Variants in TXNDC16 observed in about 807,000 individuals in gnomAD.
TXNDC16 encodes thioredoxin domain-containing protein 16.
In TXNDC16, 74 loss-of-function variants were observed where a neutral mutation model predicts 85.6. That is an observed-to-expected ratio of 0.86 (90% CI 0.72 to 1.05). The LOEUF is 1.05. Among genes scored for constraint, TXNDC16 ranks in the 50% least tolerant of loss-of-function variants. The pLI is 0.00. For synonymous variants in TXNDC16, 335 were observed against 326.5 expected, an observed-to-expected ratio of 1.03 and a Z score of -0.28; for missense variants, 959 against 947.0, an observed-to-expected ratio of 1.01 and a Z score of -0.17.
At chr14:52,482,324 T>C (rs770337002) in intron 13 of TXNDC16, 35 bp from the exon 14 acceptor site, 5 of 1,544,352 alleles carry the variant, frequency 3.2e-6, no homozygotes, top group Non-Finnish European at 4.5e-6. Flanking sequence ...AGATATTACA[T>C]GTATATCTAC....
At position 52,506,527 on chromosome 14, in the gene TXNDC16, C is replaced by CTTTTTT. The variant is rs765293725; in HGVS notation, c.756+4707_756+4712dup. 3.5e-3 allele frequency among the ~76,000 whole-genome samples: 343 copies of CTTTTTT among 97,578 alleles called. 1 individual carries two copies. The highest frequency in any genetic ancestry group is 7.6e-3 in the African/African-American group (173 of 22,838). 64.0% of individuals were successfully genotyped at this position (97,578 alleles called of 152,430 possible). A position where few individuals can be genotyped will look rare whatever the true frequency, so the allele number is the denominator to read the frequency against. On this transcript the variant is annotated intron_variant, in intron 9 of 20. Transcript: ENST00000281741. ...AGGCCTTTGACAAATTTCAACAACC[C>CTTTTTT]TTTTTTTTTTTTTTTTTTTTTTTTC...
At chr14:52,544,795 T>C (rs2037907709) in intron 1 of TXNDC16, among the ~76,000 whole-genome samples, 1 of 152,012 alleles carries the variant, frequency 6.6e-6, no homozygotes, top group Admixed American at 6.5e-5. Context: ...AAATTTGCCA[T>C]CAATTTTTAA....
chr14:52,520,379 T>G lies in TXNDC16; in HGVS notation c.393-1086A>C, dbSNP rs147542049. Among the ~76,000 whole-genome samples the G allele has an allele frequency of 1.5e-3, 228 of 152,284 alleles. 1 individual carries two copies. The highest frequency in any genetic ancestry group is 5.3e-3 in the African/African-American group (219 of 41,554). On this transcript the variant is annotated intron_variant, in intron 6 of 20. Transcript: ENST00000281741. The stretch of plus-strand genomic sequence containing the variant: ...TGGCTCAAGCCTGTAATCCCAGCAC[T>G]TTGGGAGGCCGAGGCGGGCGGATCA...
At chr14:52,437,805 CT>C (rs1414692541) in intron 20 of TXNDC16, among the ~76,000 whole-genome samples, 7 of 152,102 alleles carry the variant, frequency 4.6e-5, no homozygotes, top group African/African-American at 1.7e-4. Context: ...GAAAATAGGT[CT>C]ATGAAAACAG....
rs184761415 is a variant in TXNDC16, at chr14:52,521,124, T to C, written c.393-1831A>G. Among the ~76,000 whole-genome samples the C allele has an allele frequency of 6.0e-3, 919 of 152,210 alleles. 8 individuals carry two copies. Among genetic ancestry groups the C allele is most frequent in the Non-Finnish European group, 9.3e-3 (631 of 68,020 alleles). ...AGTGAGAAGAATGGTGTTTTACTTT[T>C]TTTTTTGAGACGAAGTCTTGCTCTG... On this transcript the variant is annotated intron_variant, in intron 6 of 20. Transcript: ENST00000281741.
intron 9 of TXNDC16, among the ~76,000 whole-genome samples, chr14:52,495,131 A>G (rs1217708261): frequency 2.0e-5 from 3 of 152,230 alleles, no homozygotes; most frequent in African/African-American, 7.2e-5. Flanking sequence ...TAAAATGATA[A>G]GAATCATTTC....
intron 1 of TXNDC16, among the ~76,000 whole-genome samples, chr14:52,547,675 TAC>T (rs1244919647): frequency 6.6e-6 from 1 of 152,134 alleles, no homozygotes; most frequent in Non-Finnish European, 1.5e-5. Flanking sequence ...CAGGAATACT[TAC>T]AGTTATCTCT....
intron 12 of TXNDC16, among the ~76,000 whole-genome samples, chr14:52,486,228 A>T (rs955868568): frequency 1.3e-5 from 2 of 148,710 alleles, no homozygotes; most frequent in Admixed American, 6.7e-5. Flanking sequence ...CCTCAGCTCT[A>T]CCTTCAACCT....
chr14:52,438,585 T>C (rs530408636), intron 20 of TXNDC16, among the ~76,000 whole-genome samples: 70 of 152,350 alleles, frequency 4.6e-4, no homozygotes, highest in Non-Finnish European at 7.3e-4. Context: ...AGTGTAAACA[T>C]AACTTTTATA....
chr14:52,454,735 G>C (rs567088249), intron 18 of TXNDC16, among the ~76,000 whole-genome samples: 33 of 150,548 alleles, frequency 2.2e-4, no homozygotes, highest in Non-Finnish European at 3.8e-4. Context: ...AGAATTGCTT[G>C]AACCCGGGAG....
At chr14:52,549,548 C>G (rs1308040002) in intron 1 of TXNDC16, among the ~76,000 whole-genome samples, 1 of 151,942 alleles carries the variant, frequency 6.6e-6, no homozygotes, top group Non-Finnish European at 1.5e-5. Flanking sequence ...GCAGGTAGAA[C>G]AGCTGGTAGC....
chr14:52,434,550 A>G (rs2034983181), intron 20 of TXNDC16, among the ~76,000 whole-genome samples: 1 of 152,232 alleles, frequency 6.6e-6, no homozygotes, highest in Admixed American at 6.5e-5. Flanking sequence ...GAACTGGGCC[A>G]AAGTTAAGTG....
At chr14:52,498,387 T>C (rs1163336911) in intron 9 of TXNDC16, among the ~76,000 whole-genome samples, 1 of 149,506 alleles carries the variant, frequency 6.7e-6, no homozygotes, top group East Asian at 2.0e-4. Context: ...GGATCTTATA[T>C]GTGCAAAACC....
intron 12 of TXNDC16, among the ~76,000 whole-genome samples, chr14:52,485,314 A>G (rs1400205535): frequency 6.6e-6 from 1 of 152,218 alleles, no homozygotes; most frequent in Non-Finnish European, 1.5e-5. Context: ...ATATTTTTGT[A>G]CAGCTGTATG....
intron 9 of TXNDC16, among the ~76,000 whole-genome samples, chr14:52,491,661 C>T (rs1417071724): frequency 6.6e-6 from 1 of 151,990 alleles, no homozygotes; most frequent in Non-Finnish European, 1.5e-5. Context: ...AACTAAGGAA[C>T]AAACTTTTTC....
chr14:52,431,642 A>G lies in TXNDC16; in HGVS notation c.*662T>C, dbSNP rs376121226. 1 of 152,222 alleles carries G rather than the reference A, an allele frequency of 6.6e-6. No homozygotes were observed. Among genetic ancestry groups the G allele is most frequent in the African/African-American group, 2.4e-5 (1 of 41,446 alleles). 9.4% of individuals were successfully genotyped at this position (152,222 alleles called of 1,614,324 possible). A position where few individuals can be genotyped will look rare whatever the true frequency, so the allele number is the denominator to read the frequency against. ...ATTCTTTGTTGTGGGGCGCTGTCCAATGCAGGTTATTTAGCAGGATCCCTG... is the reference window on the plus strand; with the variant it reads ...ATTCTTTGTTGTGGGGCGCTGTCCAGTGCAGGTTATTTAGCAGGATCCCTG... On this transcript the variant is annotated 3_prime_UTR_variant, in exon 21 of 21. Transcript: ENST00000281741.
In TXNDC16 at chr14:52,491,015, A is replaced by G. The variant is rs1459294307; in HGVS notation, c.757-10T>C. On this transcript the variant is annotated splice_polypyrimidine_tract_variant and intron_variant, in intron 9 of 20. Coordinates refer to ENST00000281741, the MANE Select transcript of TXNDC16 (RefSeq NM_020784.3). ...CTTCAGCAACTTCAGTCTTCATTGAAAAAAAAAAAAAAAAAAGGTGTGATA... is the reference window on the plus strand; with the variant it reads ...CTTCAGCAACTTCAGTCTTCATTGAGAAAAAAAAAAAAAAAAGGTGTGATA... 2 of 703,690 alleles carry G rather than the reference A, an allele frequency of 2.8e-6. No individual in the cohort carries two copies. Among genetic ancestry groups the G allele is most frequent in the Non-Finnish European group, 3.8e-6 (2 of 521,538 alleles). 43.6% of individuals were successfully genotyped at this position (703,690 alleles called of 1,614,324 possible). A position where few individuals can be genotyped will look rare whatever the true frequency, so the allele number is the denominator to read the frequency against.
intron 14 of TXNDC16, among the ~76,000 whole-genome samples, chr14:52,472,064 GTTT>G (rs997742419): frequency 6.6e-6 from 1 of 151,094 alleles, no homozygotes; most frequent in Non-Finnish European, 1.5e-5. Context: ...ATCACCAAAT[GTTT>G]TTAATACTGA....
At chr14:52,543,340 T>C (rs904182330) in intron 3 of TXNDC16, 58 bp downstream of exon 3, 243 of 1,530,986 alleles carry the variant, frequency 1.6e-4, no homozygotes, top group Non-Finnish European at 2.1e-4. Context: ...CTGAACTTAC[T>C]GATTAAATAG....
Sources: allele counts gnomAD v4.1 joint callset (sites outside exome capture counted in the v4.1 genomes callset), GRCh38; gene constraint gnomAD v4.1.1; transcripts MANE v1.5; gene names NCBI Gene and HGNC (gene_info 2026-07-23, HGNC 2026-07-21).